Variants in PIKFYVE observed in about 807,000 individuals in gnomAD.
The protein encoded by PIKFYVE is phosphoinositide kinase, FYVE-type zinc finger containing.
Under a neutral mutation model 257.9 loss-of-function variants are expected in PIKFYVE, and 122 were observed. The ratio of observed to expected loss-of-function variants is 0.47; its 90% confidence interval spans 0.41 to 0.55. PIKFYVE has a LOEUF of 0.55. Ranked by LOEUF, PIKFYVE falls within the 20% of genes least tolerant of loss-of-function variation. PIKFYVE has a pLI of 0.00. For missense variants in PIKFYVE, 2,160 were observed against 2,536.6 expected, an observed-to-expected ratio of 0.85 and a Z score of 3.19; for synonymous variants, 892 against 868.9, an observed-to-expected ratio of 1.03 and a Z score of -0.47.
intron 12 of PIKFYVE, among the ~76,000 whole-genome samples, chr2:208,307,576 T>C (rs1201411339): frequency 6.6e-6 from 1 of 151,726 alleles, no homozygotes; most frequent in African/African-American, 2.4e-5. Context: ...AGATACATTT[T>C]TTTTTTTTTT....
intron 3 of PIKFYVE, among the ~76,000 whole-genome samples, chr2:208,276,422 C>G (rs550506040): frequency 6.6e-6 from 1 of 152,210 alleles, no homozygotes; most frequent in African/African-American, 2.4e-5. Context: ...GAATTTTGGA[C>G]CATTTAAGTG....
intron 18 of PIKFYVE, among the ~76,000 whole-genome samples, 190 bp downstream of exon 18, chr2:208,324,472 G>A (rs1330466223): frequency 6.6e-6 from 1 of 152,146 alleles, no homozygotes; most frequent in East Asian, 1.9e-4. Context: ...AAGTATAATT[G>A]ATTATGTAAT....
chr2:208,323,545 A>G (rs1284270867), intron 17 of PIKFYVE, among the ~76,000 whole-genome samples: 1 of 152,024 alleles, frequency 6.6e-6, no homozygotes, highest in African/African-American at 2.4e-5. Context: ...AGTCTTTGCT[A>G]TTGTGAATAG....
chr2:208,312,226 TG>T lies in PIKFYVE; in HGVS notation c.1637-8del. On this transcript the variant is annotated splice_polypyrimidine_tract_variant and intron_variant, in intron 12 of 41. Coordinates refer to ENST00000264380, the MANE Select transcript of PIKFYVE (RefSeq NM_015040.4). Reference sequence around the variant, plus strand: ...TTGTTCCTCCTCTCTGTTGTCTCCCTGGTATGCAGAGTATTTGATTTCTGAC... The same window carrying T: ...TTGTTCCTCCTCTCTGTTGTCTCCCTGTATGCAGAGTATTTGATTTCTGAC... The T allele has an allele frequency of 1.9e-6, 3 of 1,604,804 alleles. No homozygotes were observed.
chr2:208,324,112 G>C lies in PIKFYVE; in HGVS notation c.2191-30G>C, dbSNP rs201777845. 4.2e-5 allele frequency: 67 copies of C among 1,604,406 alleles called. No individual in the cohort carries two copies. In the Middle Eastern group the frequency reaches 6.6e-4, roughly 16 times the overall value. ...TATGTCCAGATACTGCATTTTACCA[G>C]GTGTAATATTTCTGATTTATCTTAC... On this transcript the variant is annotated intron_variant, in intron 17 of 41. Coordinates refer to ENST00000264380, the MANE Select transcript of PIKFYVE (RefSeq NM_015040.4).
intron 1 of PIKFYVE, among the ~76,000 whole-genome samples, chr2:208,268,423 CTTT>C (rs35632672): frequency 1.3e-3 from 102 of 78,674 alleles, no homozygotes; most frequent in African/African-American, 4.3e-3. Flanking sequence ...CTCCAGAGCT[CTTT>C]TTTTTTTTTT....
At chr2:208,286,324 C>T (rs1691569496) in intron 6 of PIKFYVE, among the ~76,000 whole-genome samples, 1 of 152,100 alleles carries the variant, frequency 6.6e-6, no homozygotes, top group Admixed American at 6.5e-5. Context: ...AAGAAGAATG[C>T]CTGTACAATA....
intron 7 of PIKFYVE, among the ~76,000 whole-genome samples, chr2:208,290,613 A>G (rs1400948745): frequency 1.3e-5 from 2 of 152,200 alleles, no homozygotes; most frequent in Non-Finnish European, 2.9e-5. Context: ...GTAATTTTCA[A>G]TTCATATGGA....
At chr2:208,345,264 GT>G in intron 33 of PIKFYVE, 70 bp downstream of exon 33, 1 of 1,293,188 alleles carries the variant, frequency 7.7e-7, no homozygotes, top group African/African-American at 1.5e-5. Flanking sequence ...TTGTACTTCA[GT>G]TTTATTACAG....
chr2:208,337,810 CT>C (rs1698306973), intron 28 of PIKFYVE, among the ~76,000 whole-genome samples: 1 of 152,132 alleles, frequency 6.6e-6, no homozygotes, highest in South Asian at 2.1e-4. Flanking sequence ...CAACCTCTGC[CT>C]TCCGAGTTCA....
chr2:208,285,661 A>T, intron 5 of PIKFYVE, 65 bp from the exon 6 acceptor site: 1 of 1,404,260 alleles, frequency 7.1e-7, no homozygotes, highest in South Asian at 1.2e-5. Context: ...AGTTACGTTA[A>T]GCAATATGTT....
At chr2:208,328,103 G>C (rs531342507) in intron 20 of PIKFYVE, 77 bp from the exon 21 acceptor site, 3 of 1,607,808 alleles carry the variant, frequency 1.9e-6, no homozygotes, top group Admixed American at 3.3e-5. Context: ...TTTACAAATA[G>C]AGTGGAGTGT....
intron 9 of PIKFYVE, 68 bp downstream of exon 9, chr2:208,301,162 G>C: frequency 6.4e-7 from 1 of 1,572,648 alleles, no homozygotes; most frequent in Middle Eastern, 1.7e-4. Context: ...TTTGAAGATA[G>C]TAAGAGTTAC....
intron 35 of PIKFYVE, among the ~76,000 whole-genome samples, chr2:208,349,709 C>A (rs1196370045): frequency 1.3e-5 from 2 of 151,816 alleles, no homozygotes; most frequent in Non-Finnish European, 2.9e-5. Context: ...ATAAAGAAGC[C>A]ATGGAAGTTC....
chr2:208,278,228 A>T (rs188416605), intron 5 of PIKFYVE, among the ~76,000 whole-genome samples: 1 of 152,140 alleles, frequency 6.6e-6, no homozygotes, highest in African/African-American at 2.4e-5. Flanking sequence ...AAATTACCTG[A>T]AAAACAAAAC....
chr2:208,279,293 A>G (rs1182114535), intron 5 of PIKFYVE, among the ~76,000 whole-genome samples: 1 of 151,944 alleles, frequency 6.6e-6, no homozygotes, highest in African/African-American at 2.4e-5. Flanking sequence ...TATATTGTGG[A>G]TATTAGATCT....
rs1690168616 is a variant in PIKFYVE at position 208,276,818 on chromosome 2, G to C, written c.429G>C (p.Glu143Asp). 11 of 1,612,736 alleles carry C rather than the reference G, an allele frequency of 6.8e-6. No individual in the cohort carries two copies. Among genetic ancestry groups the C allele is most frequent in the Non-Finnish European group, 7.6e-6 (9 of 1,178,930 alleles). The change falls in exon 4 of 42, where the codon GAG becomes GAC. Residue 143 changes from glutamate to aspartate, a missense_variant. Physicochemically the swap from Glu to Asp is conservative, Grantham distance 45 (BLOSUM62 2). Coordinates refer to ENST00000264380, the MANE Select transcript of PIKFYVE (RefSeq NM_015040.4). ...TAAAACGCCTCAAGGAAATCATGGA[G>C]GGGAAAAGCCAGGTACTGTCTAGAG... ...TVLKRLKEIMEGKSQDSDLKQ... is the reference protein window; with the variant it reads ...TVLKRLKEIMDGKSQDSDLKQ...
chr2:208,319,603 C>T (rs537328517), intron 16 of PIKFYVE, among the ~76,000 whole-genome samples: 4 of 152,252 alleles, frequency 2.6e-5, no homozygotes, highest in East Asian at 3.9e-4. Flanking sequence ...TCACTGTTTT[C>T]GGAACTGTTT....
chr2:208,351,534 T>C (rs1699773010), intron 38 of PIKFYVE, 79 bp downstream of exon 38: 6 of 1,172,544 alleles, frequency 5.1e-6, no homozygotes, highest in Non-Finnish European at 7.7e-6. Flanking sequence ...TAGTCTATTC[T>C]TGTGTTGCTA....
Sources: allele counts gnomAD v4.1 joint callset (sites outside exome capture counted in the v4.1 genomes callset), GRCh38; gene constraint gnomAD v4.1.1; transcripts MANE v1.5; gene names NCBI Gene and HGNC (gene_info 2026-07-23, HGNC 2026-07-21).